The following TEX15 variants were observed in gnomAD, a reference collection of about 807,000 sequenced individuals.
TEX15 encodes the protein testis-expressed protein 15.
Under a neutral mutation model 237.3 loss-of-function variants are expected in TEX15, and 171 were observed. That is an observed-to-expected ratio of 0.72 (90% CI 0.64 to 0.82). TEX15 has a LOEUF of 0.82. Ranked by LOEUF, TEX15 falls within the 40% of genes least tolerant of loss-of-function variation. The pLI, the probability that TEX15 is intolerant of heterozygous loss-of-function variation, is 0.00. For missense variants in TEX15, 3,750 were observed against 3,646.5 expected (o/e 1.03, Z -0.73); for synonymous variants, 1,338 against 1,269.8 (o/e 1.05, Z -1.14).
intron 7 of TEX15, among the ~76,000 whole-genome samples, chr8:30,852,658 C>G (rs898031995): frequency 6.6e-6 from 1 of 151,872 alleles, no homozygotes; most frequent in Admixed American, 6.6e-5. Flanking sequence ...ACTCATGTAA[C>G]CAAATACCAC....
intron 2 of TEX15, among the ~76,000 whole-genome samples, chr8:30,893,585 A>C (rs1808837710): frequency 6.6e-6 from 1 of 152,184 alleles, no homozygotes; most frequent in African/African-American, 2.4e-5. Flanking sequence ...TAATATGATA[A>C]ATTCTATTCT....
intron 1 of TEX15, among the ~76,000 whole-genome samples, chr8:30,908,682 C>G (rs1374947223): frequency 6.6e-6 from 1 of 152,210 alleles, no homozygotes; most frequent in Non-Finnish European, 1.5e-5. Context: ...CTAGCTCTTT[C>G]ACTATTTAGC....
chr8:30,903,605 G>C (rs1009693482), intron 1 of TEX15, among the ~76,000 whole-genome samples: 1 of 152,188 alleles, frequency 6.6e-6, no homozygotes, highest in East Asian at 1.9e-4. Context: ...AAGTAAGCTA[G>C]CACAGGATAA....
chr8:30,855,140 G>A (rs530967320), intron 7 of TEX15, among the ~76,000 whole-genome samples: 1 of 151,966 alleles, frequency 6.6e-6, no homozygotes, highest in Admixed American at 6.6e-5. Context: ...AGACTGGAAA[G>A]AAAAAAGTAA....
chr8:30,868,426 C>A (rs1291640579), intron 4 of TEX15, among the ~76,000 whole-genome samples: 1 of 151,928 alleles, frequency 6.6e-6, no homozygotes, highest in Non-Finnish European at 1.5e-5. Context: ...ACCTACAGAA[C>A]CCAGCAAAGG....
intron 2 of TEX15, among the ~76,000 whole-genome samples, chr8:30,897,763 C>A (rs1808933513): frequency 6.6e-6 from 1 of 152,142 alleles, no homozygotes; most frequent in Admixed American, 6.5e-5. Context: ...TGGGCTCAAG[C>A]AATCCTTCTG....
intron 3 of TEX15, among the ~76,000 whole-genome samples, chr8:30,884,714 C>CT (rs996278973): frequency 7.2e-5 from 11 of 151,896 alleles, no homozygotes; most frequent in African/African-American, 2.7e-4. Flanking sequence ...TCTGTGCTCC[C>CT]TTTTTTTTCT....
intron 1 of TEX15, among the ~76,000 whole-genome samples, chr8:30,911,659 G>C (rs764795807): frequency 2.6e-5 from 4 of 152,144 alleles, no homozygotes; most frequent in Non-Finnish European, 5.9e-5. Context: ...TTTTAAACTT[G>C]AAGGGAACCG....
At chr8:30,834,150 A>T (rs1048879723) in intron 10 of TEX15, among the ~76,000 whole-genome samples, 8 of 152,098 alleles carry the variant, frequency 5.3e-5, no homozygotes, top group African/African-American at 1.7e-4. Context: ...AGAGTCATGG[A>T]CTTTGTTCCT....
At chr8:30,910,478 T>C (rs1809194119) in intron 1 of TEX15, among the ~76,000 whole-genome samples, 1 of 152,152 alleles carries the variant, frequency 6.6e-6, no homozygotes, top group Admixed American at 6.5e-5. Context: ...TCATAGAGTC[T>C]GACTCTGTTG....
chr8:30,870,854 C>T (rs972136570), intron 4 of TEX15, among the ~76,000 whole-genome samples: 3 of 152,040 alleles, frequency 2.0e-5, no homozygotes, highest in Admixed American at 2.0e-4. Flanking sequence ...ATAAGTCAGA[C>T]ATGACTCTCA....
intron 2 of TEX15, among the ~76,000 whole-genome samples, chr8:30,890,800 T>C (rs1309262629): frequency 1.3e-5 from 2 of 152,176 alleles, no homozygotes; most frequent in East Asian, 1.9e-4. Context: ...CTTTGAAAAC[T>C]TGGTAAATAA....
At position 30,852,336 on chromosome 8, in the gene TEX15, G is replaced by A. The variant is rs1176069726; in HGVS notation, c.851-3020C>T. On this transcript the variant is annotated intron_variant, in intron 7 of 10. Coordinates refer to ENST00000643185, the MANE Select transcript of TEX15 (RefSeq NM_001350162.2). ...TCTCGATCTCCTGAAGTCGTGATCCGCCCGCCTTGGCCTCCCAAAGTGCTA... is the reference window on the plus strand; with the variant it reads ...TCTCGATCTCCTGAAGTCGTGATCCACCCGCCTTGGCCTCCCAAAGTGCTA... Among the ~76,000 whole-genome samples the A allele has an allele frequency of 3.3e-5, 5 of 151,706 alleles. No individual in the cohort carries two copies. In the East Asian group the frequency reaches 5.8e-4, roughly 18 times the overall value.
chr8:30,846,234 C>G lies in TEX15; in HGVS notation c.3933G>C (p.Gln1311His). Reference protein sequence around the residue: ...KRKLHISSRDQNIPHKDLRRH... With the variant: ...KRKLHISSRDHNIPHKDLRRH... ...GTCTTAAATCTTTATGTGGTATGTT[C>G]TGATCCCTGGAAGATATATGTAGCT... The change falls in exon 8 of 11, where the codon CAG (glutamine) becomes CAC (histidine). Residue 1311 changes from glutamine to histidine, a missense_variant. Physicochemically the swap from Gln to His is conservative, Grantham distance 24. Transcript: ENST00000643185. The G allele has an allele frequency of 2.5e-6, 4 of 1,613,536 alleles. No homozygotes were observed. The highest frequency in any genetic ancestry group is 3.4e-6 in the Non-Finnish European group (4 of 1,179,670).
intron 3 of TEX15, among the ~76,000 whole-genome samples, chr8:30,878,904 C>G (rs1192134544): frequency 6.6e-6 from 1 of 152,228 alleles, no homozygotes; most frequent in Non-Finnish European, 1.5e-5. Context: ...TGGCAATACA[C>G]AAGTGAGTTG....
intron 10 of TEX15, among the ~76,000 whole-genome samples, chr8:30,836,114 C>T (rs1807285670): frequency 6.6e-6 from 1 of 151,090 alleles, no homozygotes; most frequent in Non-Finnish European, 1.5e-5. Context: ...TATCTATTTC[C>T]ACATTTATGT....
chr8:30,904,423 G>A (rs1809058812), intron 1 of TEX15, among the ~76,000 whole-genome samples: 2 of 145,982 alleles, frequency 1.4e-5, no homozygotes, highest in South Asian at 2.2e-4. Context: ...CTCCAGCCTT[G>A]GTGACAGAGT....
intron 10 of TEX15, 147 bp from the exon 11 acceptor site, chr8:30,833,470 C>G (rs1807225385): frequency 3.7e-6 from 2 of 535,274 alleles, no homozygotes; most frequent in African/African-American, 3.9e-5. Context: ...TCATCAGGTC[C>G]TATGAAAGTT....
In TEX15 at chr8:30,895,676, C is replaced by CTTTT. The variant is rs34002027; in HGVS notation, c.-10+3062_-10+3065dup. ...CATGTCAACACCTTTTAAACACATG[C>CTTTT]TTTTTTTTTTTTTTTTTTTTTTTTG... On this transcript the variant is annotated intron_variant, in intron 2 of 10. Coordinates refer to ENST00000643185, the MANE Select transcript of TEX15 (RefSeq NM_001350162.2). Among the ~76,000 whole-genome samples the CTTTT allele has an allele frequency of 8.5e-3, 509 of 60,028 alleles. 104 individuals carry two copies. The highest frequency in any genetic ancestry group is 0.03 in the African/African-American group (374 of 12,322). 39.4% of individuals were successfully genotyped at this position (60,028 alleles called of 152,430 possible).
Sources: allele counts gnomAD v4.1 joint callset (sites outside exome capture counted in the v4.1 genomes callset), GRCh38; gene constraint gnomAD v4.1.1; transcripts MANE v1.5; gene names NCBI Gene and HGNC (gene_info 2026-07-23, HGNC 2026-07-21).